The following ZNF346 variants were observed in gnomAD, a reference collection of about 807,000 sequenced individuals.
ZNF346 encodes the protein double-stranded RNA-binding zinc finger protein JAZ.
A neutral mutation model predicts 33.7 loss-of-function variants in ZNF346; 23 were observed. That is an observed-to-expected ratio of 0.68 (90% CI 0.49 to 0.97). ZNF346 has a LOEUF of 0.97. ZNF346 is among the 50% of genes least tolerant of loss of function. The probability of loss-of-function intolerance (pLI) is 0.00; values close to 1 mark genes in which losing one functional copy is unlikely to be tolerated. For missense variants in ZNF346, 340 were observed against 371.1 expected, an observed-to-expected ratio of 0.92 and a Z score of 0.69; for synonymous variants, 134 against 142.4, an observed-to-expected ratio of 0.94 and a Z score of 0.42.
At position 177,036,935 on chromosome 5, in the gene ZNF346, TTTTG is replaced by T. The variant is rs936755030; in HGVS notation, c.176-4175_176-4172del. 9.2e-5 allele frequency among the ~76,000 whole-genome samples: 14 copies of T among 151,836 alleles called. 1 individual carries two copies. In the South Asian group the frequency reaches 2.5e-3, roughly 27 times the overall value. On this transcript the variant is annotated intron_variant, in intron 1 of 6. Coordinates refer to ENST00000358149, the MANE Select transcript of ZNF346 (RefSeq NM_012279.4). ...CACTGCAGCCTGGGAAACCCTGAGG[TTTTG>T]TTTGTTTGTTTGTTTTTCCCCATCT... is the stretch of plus-strand genomic sequence containing the variant.
chr5:177,069,413 A>G (rs1178325876), downstream of ZNF346, among the ~76,000 whole-genome samples: 2 of 150,956 alleles, frequency 1.3e-5, no homozygotes, highest in African/African-American at 4.9e-5. Context: ...AGATCGCGCC[A>G]CTGCACTCCA....
In ZNF346 at chr5:177,022,742, G is replaced by A. The variant is rs937608329; in HGVS notation, c.4G>A (p.Glu2Lys). The A allele has an allele frequency of 3.9e-6, 6 of 1,552,940 alleles. No homozygotes were observed. The highest frequency in any genetic ancestry group is 5.2e-6 in the Non-Finnish European group (6 of 1,153,638). Reference sequence around the variant, plus strand: ...CCGGTGAGGGTTTGCGGGGAAGATGGAGTATCCCGCGCCGGCCACGGTGCA... The same window carrying A: ...CCGGTGAGGGTTTGCGGGGAAGATGAAGTATCCCGCGCCGGCCACGGTGCA... M[E>K]YPAPATVQAA... The change falls in exon 1 of 7, where the codon GAG (glutamate) becomes AAG (lysine). Residue 2 changes from glutamate to lysine, a missense_variant. By Grantham distance (56) the Glu-to-Lys change is moderately conservative. Coordinates refer to ENST00000358149, the MANE Select transcript of ZNF346 (RefSeq NM_012279.4).
At chr5:177,024,415 C>A (rs966479504) in intron 1 of ZNF346, among the ~76,000 whole-genome samples, 10 of 152,184 alleles carry the variant, frequency 6.6e-5, no homozygotes, top group African/African-American at 2.4e-4. Context: ...CCAGGCTGTT[C>A]TCGAACTCCT....
chr5:177,057,235 A>G (rs2149687846), intron 5 of ZNF346, among the ~76,000 whole-genome samples: 1 of 152,242 alleles, frequency 6.6e-6, no homozygotes, highest in South Asian at 2.1e-4. Context: ...CGGCGGTTGC[A>G]GTGAACTGAG....
chr5:177,041,693 G>A (rs2149631909), intron 2 of ZNF346, 85 bp from the exon 3 acceptor site: 2 of 867,446 alleles, frequency 2.3e-6, no homozygotes, highest in Non-Finnish European at 3.7e-6. Context: ...GGATGAATCA[G>A]ATGAAAATCT....
chr5:177,065,698 A>AT lies in ZNF346; in HGVS notation c.*1104dup, dbSNP rs1055776296. 7 of 152,230 alleles carry AT rather than the reference A, an allele frequency of 4.6e-5. No individual in the cohort carries two copies. Among genetic ancestry groups the AT allele is most frequent in the African/African-American group, 1.7e-4 (7 of 41,288 alleles). 9.4% of individuals were successfully genotyped at this position (152,230 alleles called of 1,614,324 possible). Reference sequence around the variant, plus strand: ...CCTGGGACTGAGTCCACACGGATAGATTTTTCCTTGTAACCTTGAGACGAG... The same window carrying AT: ...CCTGGGACTGAGTCCACACGGATAGATTTTTTCCTTGTAACCTTGAGACGAG... On this transcript the variant is annotated 3_prime_UTR_variant, in exon 7 of 7. Transcript: ENST00000358149.
chr5:177,029,273 G>A (rs1777333077), intron 1 of ZNF346, among the ~76,000 whole-genome samples: 1 of 152,150 alleles, frequency 6.6e-6, no homozygotes, highest in Admixed American at 6.6e-5. Flanking sequence ...CCTCAGTTTA[G>A]GGGCTTCCAG....
exon 9 of ZNF346, chr5:177,080,075 T>C (rs1783917108): frequency 6.6e-6 from 1 of 152,264 alleles, no homozygotes; most frequent in Non-Finnish European, 1.5e-5. Context: ...TCCACTTTGG[T>C]TTGGAAGCCT....
chr5:177,037,296 A>G (rs1040656917), intron 1 of ZNF346, among the ~76,000 whole-genome samples: 3 of 152,074 alleles, frequency 2.0e-5, no homozygotes, highest in African/African-American at 7.2e-5. Flanking sequence ...ACGCTAGGCA[A>G]TCTCTTCCAG....
At position 177,044,662 on chromosome 5, in the gene ZNF346, A is replaced by C; in HGVS notation, c.517+129A>C. The C allele has an allele frequency of 3.1e-6, 3 of 958,620 alleles. No individual in the cohort carries two copies. The East Asian group carries it at 7.6e-5, about 24-fold the overall frequency. 59.4% of individuals were successfully genotyped at this position (958,620 alleles called of 1,614,324 possible). A position where few individuals can be genotyped will look rare whatever the true frequency, so the allele number is the denominator to read the frequency against. ...AGTTGAATTGCTTTTGAGAACCCTT[A>C]AAAATCTCCAAGTAGACCCAGCTTC... On this transcript the variant is annotated intron_variant, in intron 4 of 6. Coordinates refer to ENST00000358149, the MANE Select transcript of ZNF346 (RefSeq NM_012279.4).
At chr5:177,045,876 C>T (rs573698242) in intron 4 of ZNF346, among the ~76,000 whole-genome samples, 1 of 152,204 alleles carries the variant, frequency 6.6e-6, no homozygotes, top group Non-Finnish European at 1.5e-5. Flanking sequence ...GTCACAGAGT[C>T]CCAGGTTTAA....
At chr5:177,074,200 C>T (rs912816226) in intron 8 of ZNF346, among the ~76,000 whole-genome samples, 2 of 152,208 alleles carry the variant, frequency 1.3e-5, no homozygotes, top group Admixed American at 6.5e-5. Context: ...CACAGAATCA[C>T]TAGGTATAAT....
Position 177,022,926 on chromosome 5 carries a change from C to T in ZNF346, c.175+13C>T. Reference sequence around the variant, plus strand: ...GGTAGAGAGGAAGGTGAGTCGGGGGCTTTGGAGGCAGAAAGCCCCTCGCCC... The same window carrying T: ...GGTAGAGAGGAAGGTGAGTCGGGGGTTTTGGAGGCAGAAAGCCCCTCGCCC... On this transcript the variant is annotated intron_variant, in intron 1 of 6. Transcript: ENST00000358149. 6.9e-7 allele frequency: 1 copy of T among 1,457,712 alleles called. No homozygotes were observed. The allele number at this position is 1,457,712 out of a possible 1,614,324, so 90.3% of individuals were successfully genotyped here.
At chr5:177,041,086 T>G (rs1581849574) in intron 1 of ZNF346, 40 bp from the exon 2 acceptor site, 1 of 1,484,408 alleles carries the variant, frequency 6.7e-7, no homozygotes, top group South Asian at 1.1e-5. Context: ...GTTGAGGTAG[T>G]GTTTGTCAAC....
chr5:177,078,269 T>C (rs1186098967), intron 8 of ZNF346, among the ~76,000 whole-genome samples: 2 of 152,102 alleles, frequency 1.3e-5, no homozygotes, highest in African/African-American at 4.8e-5. Context: ...AGAGGAAGAA[T>C]GCTCAGCAAC....
rs10682528 is a variant in ZNF346 at position 177,028,040 on chromosome 5, C to CTTTTT, written c.175+5155_175+5159dup. Reference sequence around the variant, plus strand: ...GAATATTTTGTTTCTCCTTGTGTCACTTTTTTTTTTTTTTTTTTTTTTTTT... The same window carrying CTTTTT: ...GAATATTTTGTTTCTCCTTGTGTCACTTTTTTTTTTTTTTTTTTTTTTTTTTTTTT... On this transcript the variant is annotated intron_variant, in intron 1 of 6. Coordinates refer to ENST00000358149, the MANE Select transcript of ZNF346 (RefSeq NM_012279.4). 4.2e-3 allele frequency among the ~76,000 whole-genome samples: 141 copies of CTTTTT among 33,540 alleles called. 40 individuals are homozygous for CTTTTT. The highest frequency in any genetic ancestry group is 0.014 in the African/African-American group (102 of 7,214). The allele number at this position is 33,540 out of a possible 152,430, so 22.0% of individuals were successfully genotyped here.
Position 177,022,733 on chromosome 5 carries a change from G to C in ZNF346, c.-6G>C. 6.5e-7 allele frequency: 1 copy of C among 1,548,902 alleles called. No individual in the cohort carries two copies. The highest frequency in any genetic ancestry group is 8.7e-7 in the Non-Finnish European group (1 of 1,152,170). On this transcript the variant is annotated 5_prime_UTR_variant, in exon 1 of 7. Transcript: ENST00000358149. Reference sequence around the variant, plus strand: ...GGCTCTCTACCGGTGAGGGTTTGCGGGGAAGATGGAGTATCCCGCGCCGGC... The same window carrying C: ...GGCTCTCTACCGGTGAGGGTTTGCGCGGAAGATGGAGTATCCCGCGCCGGC...
In ZNF346 at chr5:177,078,072, G is replaced by A. The variant is rs559432414; in HGVS notation, c.*3-1310G>A. ...TGAGGCAGGAAAATTGCTTGAACCC[G>A]GGAGGTGGAGGTTGCAGTGAGCTGA... On this transcript the variant is annotated intron_variant, in intron 8 of 8. Coordinates refer to the ZNF346 transcript ENST00000503039. Among the ~76,000 whole-genome samples the A allele has an allele frequency of 2.2e-3, 336 of 152,126 alleles. 2 individuals are homozygous for A. The Middle Eastern group carries it at 0.027, about 12-fold the overall frequency.
chr5:177,024,133 A>G (rs1776351348), intron 1 of ZNF346, among the ~76,000 whole-genome samples: 1 of 134,190 alleles, frequency 7.5e-6, no homozygotes, highest in Admixed American at 7.3e-5. Context: ...ATATTTTTAT[A>G]TACACTTGTA....
Sources: allele counts gnomAD v4.1 joint callset (sites outside exome capture counted in the v4.1 genomes callset), GRCh38; gene constraint gnomAD v4.1.1; transcripts MANE v1.5; gene names NCBI Gene and HGNC (gene_info 2026-07-23, HGNC 2026-07-21).